The following STARD13 variants were observed in gnomAD, a reference collection of about 807,000 sequenced individuals.
STARD13 encodes stAR-related lipid transfer protein 13.
A neutral mutation model predicts 106.4 loss-of-function variants in STARD13; 62 were observed. That is an observed-to-expected ratio of 0.58 (90% confidence interval 0.48 to 0.72). The LOEUF is 0.72. Ranked by LOEUF, STARD13 falls within the 30% of genes least tolerant of loss-of-function variation. The pLI is 0.00. For missense variants in STARD13, 1,387 were observed against 1,424.0 expected, an observed-to-expected ratio of 0.97 and a Z score of 0.42; for synonymous variants, 565 against 553.0, an observed-to-expected ratio of 1.02 and a Z score of -0.31.
chr13:33,427,892 T>C, the STARD13 span, among the ~76,000 whole-genome samples: 59 of 148,518 alleles, frequency 4.0e-4, no homozygotes, highest in Admixed American at 1.3e-4. Flanking sequence ...GAGGCAGAGG[T>C]TGTGGTGAGC....
chr13:33,253,483 G>A (rs777573768), intron 1 of STARD13, among the ~76,000 whole-genome samples: 1 of 152,162 alleles, frequency 6.6e-6, no homozygotes, highest in Non-Finnish European at 1.5e-5. Context: ...CTTAAGTTGA[G>A]CACTAAATGA....
the STARD13 span, among the ~76,000 whole-genome samples, chr13:33,634,374 G>T: frequency 1.3e-5 from 2 of 152,190 alleles, no homozygotes; most frequent in African/African-American, 4.8e-5. Flanking sequence ...TTCAGTAAAT[G>T]CATAGAATAT....
At chr13:33,217,496 G>T (rs1053526706) in intron 1 of STARD13, among the ~76,000 whole-genome samples, 1 of 152,214 alleles carries the variant, frequency 6.6e-6, no homozygotes, top group Non-Finnish European at 1.5e-5. Flanking sequence ...AGCCAGAGTG[G>T]CTGCTGTGAT....
chr13:33,385,016 A>C, the STARD13 span, among the ~76,000 whole-genome samples: 2 of 149,898 alleles, frequency 1.3e-5, no homozygotes, highest in East Asian at 3.9e-4. Context: ...CCAGATTTTT[A>C]GTTTGGAAGA....
chr13:33,261,565 G>A (rs1215829955), intron 1 of STARD13, among the ~76,000 whole-genome samples: 1 of 152,086 alleles, frequency 6.6e-6, no homozygotes, highest in Non-Finnish European at 1.5e-5. Flanking sequence ...CCCGGCATAA[G>A]CCTCAACTAG....
intron 1 of STARD13, among the ~76,000 whole-genome samples, chr13:33,335,540 C>CAAGT (rs772247324): frequency 9.9e-5 from 15 of 152,232 alleles, no homozygotes; most frequent in Non-Finnish European, 2.2e-4. Context: ...TACATAGCTA[C>CAAGT]AAGTAGTGGG....
At chr13:33,234,181 T>G (rs1244867922) in intron 1 of STARD13, among the ~76,000 whole-genome samples, 1 of 152,174 alleles carries the variant, frequency 6.6e-6, no homozygotes, top group Non-Finnish European at 1.5e-5. Flanking sequence ...GAAGTAATGA[T>G]TTCATCAAAC....
chr13:33,123,593 C>T (rs543457165), intron 7 of STARD13, among the ~76,000 whole-genome samples: 21 of 152,218 alleles, frequency 1.4e-4, no homozygotes, highest in Non-Finnish European at 2.5e-4. Context: ...AAGCAAGGCT[C>T]CTCTTACACA....
At chr13:33,503,710 C>T in the STARD13 span, among the ~76,000 whole-genome samples, 2 of 152,114 alleles carry the variant, frequency 1.3e-5, no homozygotes, top group South Asian at 2.1e-4. Context: ...GTTTCTTAAT[C>T]CTGAGTTTTA....
Position 33,177,175 on chromosome 13 carries a change from G to A in STARD13, c.170-9553C>T, listed in dbSNP as rs139105932. Among the ~76,000 whole-genome samples the A allele has an allele frequency of 2.3e-3, 354 of 152,214 alleles. 1 individual carries two copies. The highest frequency in any genetic ancestry group is 7.5e-3 in the African/African-American group (311 of 41,530). ...CTTTTACTAATAAAGTCAGTATGAC[G>A]GTCTTGGCTAATCTGCCTGCCAAAT... On this transcript the variant is annotated intron_variant, in intron 1 of 13. Coordinates refer to ENST00000336934, the MANE Select transcript of STARD13 (RefSeq NM_178006.4).
rs561927309 is a variant in STARD13 at position 33,339,292 on chromosome 13, C to T, written c.124+10998G>A. ...CAGTAGCTGTTCTTAACCACTAGAT[C>T]GTGATGCTGTGCCAGTCATCTTCCA... On this transcript the variant is annotated intron_variant, in intron 1 of 5. Transcript: ENST00000567873. Among the ~76,000 whole-genome samples the T allele has an allele frequency of 4.6e-5, 7 of 152,304 alleles. No homozygotes were observed. The South Asian group carries it at 1.5e-3, about 32-fold the overall frequency.
chr13:33,333,382 A>G (rs561110218), intron 1 of STARD13, among the ~76,000 whole-genome samples: 1 of 152,332 alleles, frequency 6.6e-6, no homozygotes, highest in African/African-American at 2.4e-5. Flanking sequence ...AGTGAGACTC[A>G]GCCTCAAAAA....
chr13:33,504,322 A>T, the STARD13 span, among the ~76,000 whole-genome samples: 1 of 152,172 alleles, frequency 6.6e-6, no homozygotes, highest in Non-Finnish European at 1.5e-5. Context: ...TTATTGCGGC[A>T]CTAGTCACAA....
the STARD13 span, among the ~76,000 whole-genome samples, chr13:33,413,438 T>C: frequency 6.6e-6 from 1 of 151,718 alleles, no homozygotes; most frequent in Admixed American, 6.6e-5. Context: ...GAATTGAAAA[T>C]AGAAAAACCA....
intron 8 of STARD13, 61 bp from the exon 9 acceptor site, chr13:33,112,992 G>T: frequency 2.2e-6 from 3 of 1,338,062 alleles, no homozygotes; most frequent in East Asian, 2.3e-5. Flanking sequence ...CAGCTGGGAA[G>T]CACTGTGTAA....
Position 33,184,000 on chromosome 13 carries a change from C to T in STARD13, c.170-16378G>A, listed in dbSNP as rs986019136. On this transcript the variant is annotated intron_variant, in intron 1 of 13. Coordinates refer to ENST00000336934, the MANE Select transcript of STARD13 (RefSeq NM_178006.4). ...CTATGACTACGCTGGTTCTCAGGAGCAGAGGAAAAATATATGATGTAATGG... is the reference window on the plus strand; with the variant it reads ...CTATGACTACGCTGGTTCTCAGGAGTAGAGGAAAAATATATGATGTAATGG... 1.3e-5 allele frequency among the ~76,000 whole-genome samples: 2 copies of T among 152,124 alleles called. 1 individual carries two copies. Among genetic ancestry groups the T allele is most frequent in the Middle Eastern group, 6.3e-3 (2 of 316 alleles).
the STARD13 span, among the ~76,000 whole-genome samples, chr13:33,465,368 G>T: frequency 1.3e-5 from 2 of 151,872 alleles, no homozygotes; most frequent in Non-Finnish European, 2.9e-5. Context: ...ACCACGCCCG[G>T]CTAATTGTTT....
chr13:33,614,270 C>CGTGTGTGT, the STARD13 span, among the ~76,000 whole-genome samples: 956 of 145,226 alleles, frequency 6.6e-3, 12 homozygotes, highest in African/African-American at 0.021. Flanking sequence ...ATACATTCTC[C>CGTGTGTGT]GTGTGTGTGT....
At chr13:33,343,507 G>C (rs2077983066) in intron 1 of STARD13, among the ~76,000 whole-genome samples, 1 of 141,166 alleles carries the variant, frequency 7.1e-6, no homozygotes, top group South Asian at 2.4e-4. Flanking sequence ...GAGTCTTCAA[G>C]GTTGAGGCTG....
Sources: allele counts gnomAD v4.1 joint callset (sites outside exome capture counted in the v4.1 genomes callset), GRCh38; gene constraint gnomAD v4.1.1; transcripts MANE v1.5; gene names NCBI Gene and HGNC (gene_info 2026-07-23, HGNC 2026-07-21).